Variants in DPF3 observed in about 807,000 individuals in gnomAD.
DPF3 encodes the protein zinc finger protein DPF3.
In DPF3, 18 loss-of-function variants were observed where a neutral mutation model predicts 56.8. The observed-to-expected ratio is 0.32, with a 90% CI of 0.22 to 0.47. The LOEUF (loss-of-function observed/expected upper bound fraction) is 0.47, where lower values mean the gene tolerates loss of function less well. DPF3 is among the 20% of genes least tolerant of loss of function. DPF3 has a pLI of 1.00. For missense variants in DPF3, 403 were observed against 488.8 expected (o/e 0.82, Z 1.65); for synonymous variants, 188 against 180.2 (o/e 1.04, Z -0.35).
At chr14:72,753,498 T>C in intron 2 of DPF3, 127 bp from the exon 3 acceptor site, 1 of 741,468 alleles carries the variant, frequency 1.3e-6, no homozygotes, top group Non-Finnish European at 2.1e-6. Context: ...CTTGTCAACA[T>C]CACAAAGCTG....
At chr14:72,722,829 G>C (rs530744975) in intron 5 of DPF3, among the ~76,000 whole-genome samples, 3 of 152,144 alleles carry the variant, frequency 2.0e-5, no homozygotes, top group Non-Finnish European at 4.4e-5. Flanking sequence ...GGAAGTGCCT[G>C]ACCAGTCTCT....
chr14:72,758,059 G>A (rs1243079897), intron 2 of DPF3, among the ~76,000 whole-genome samples: 6 of 151,990 alleles, frequency 3.9e-5, no homozygotes, highest in African/African-American at 1.5e-4. Flanking sequence ...AAAAGAAACA[G>A]GGTAAAAGTG....
chr14:72,863,352 T>C (rs1599505625), intron 1 of DPF3, among the ~76,000 whole-genome samples: 1 of 151,582 alleles, frequency 6.6e-6, no homozygotes, highest in Admixed American at 6.6e-5. Context: ...GAGTTGCAGG[T>C]GCCACCGACC....
At chr14:72,821,199 G>A (rs1034526517) in intron 1 of DPF3, among the ~76,000 whole-genome samples, 3 of 151,844 alleles carry the variant, frequency 2.0e-5, no homozygotes, top group Non-Finnish European at 4.4e-5. Context: ...TGAGGTGGGA[G>A]GCAGAGCCTG....
chr14:72,786,289 T>A (rs1892206108), intron 1 of DPF3, among the ~76,000 whole-genome samples: 1 of 151,376 alleles, frequency 6.6e-6, no homozygotes, highest in Non-Finnish European at 1.5e-5. Flanking sequence ...AGAAAATCAA[T>A]AACCACAGAG....
intron 1 of DPF3, among the ~76,000 whole-genome samples, chr14:72,790,930 G>C (rs1014696157): frequency 1.3e-5 from 2 of 152,086 alleles, no homozygotes; most frequent in African/African-American, 2.4e-5. Context: ...TGTCCTGTAT[G>C]GTCAGCCATT....
Position 72,855,053 on chromosome 14 carries a change from A to G in DPF3, c.32+39004T>C, listed in dbSNP as rs541990170. Among the ~76,000 whole-genome samples, 354 of 152,312 alleles carry G rather than the reference A, an allele frequency of 2.3e-3. 3 individuals carry two copies. Among genetic ancestry groups the G allele is most frequent in the African/African-American group, 8.1e-3 (336 of 41,568 alleles). The stretch of plus-strand genomic sequence containing the variant: ...GAGCCCAGACTACATAGGACTTGAA[A>G]GAAAGAATGAGACTTTGATATGGAA... On this transcript the variant is annotated intron_variant, in intron 1 of 10. Coordinates refer to ENST00000556509, the MANE Select transcript of DPF3 (RefSeq NM_001280542.3).
At chr14:72,691,693 C>T (rs942693961) in intron 7 of DPF3, among the ~76,000 whole-genome samples, 2 of 151,646 alleles carry the variant, frequency 1.3e-5, no homozygotes, top group Non-Finnish European at 2.9e-5. Context: ...CGCCACTGTA[C>T]TCCAGCCTGG....
At chr14:72,789,478 T>C (rs975418019) in intron 1 of DPF3, among the ~76,000 whole-genome samples, 1 of 152,186 alleles carries the variant, frequency 6.6e-6, no homozygotes. Flanking sequence ...GGACATTTTG[T>C]GTTGTATCTA....
In DPF3 at chr14:72,772,612, A is replaced by C. The variant is rs916338003; in HGVS notation, c.33-719T>G. ...TAGAAAGACCTTTCTGGTTTGCTAGACTGAGAATCTGATTAAGCACAGTAT... is the reference window on the plus strand; with the variant it reads ...TAGAAAGACCTTTCTGGTTTGCTAGCCTGAGAATCTGATTAAGCACAGTAT... On this transcript the variant is annotated intron_variant, in intron 1 of 10. Transcript: ENST00000556509. 2.6e-5 allele frequency among the ~76,000 whole-genome samples: 4 copies of C among 151,190 alleles called. No individual in the cohort carries two copies. The Admixed American group carries it at 2.7e-4, about 10-fold the overall frequency.
chr14:72,852,224 T>C (rs1206457922), intron 1 of DPF3, among the ~76,000 whole-genome samples: 2 of 152,140 alleles, frequency 1.3e-5, no homozygotes, highest in African/African-American at 4.8e-5. Context: ...CCCTCAAGGC[T>C]TCCCACTGCC....
chr14:72,676,942 A>G (rs1886937754), intron 7 of DPF3, among the ~76,000 whole-genome samples: 1 of 152,234 alleles, frequency 6.6e-6, no homozygotes, highest in Non-Finnish European at 1.5e-5. Flanking sequence ...TACAAGAAAT[A>G]AAAAATTAGA....
chr14:72,838,134 C>G (rs1164207588), intron 1 of DPF3, among the ~76,000 whole-genome samples: 6 of 152,212 alleles, frequency 3.9e-5, no homozygotes, highest in African/African-American at 1.4e-4. Flanking sequence ...AGCCAGCTAA[C>G]CCCTCCAGTC....
chr14:72,784,957 C>CA (rs796423196), intron 1 of DPF3, among the ~76,000 whole-genome samples: 315 of 130,674 alleles, frequency 2.4e-3, no homozygotes, highest in African/African-American at 6.0e-3. Context: ...AACACCGCCT[C>CA]AAAAAAAAAA....
At chr14:72,672,046 C>T (rs979812589) in intron 8 of DPF3, among the ~76,000 whole-genome samples, 74 of 118,330 alleles carry the variant, frequency 6.3e-4, no homozygotes, top group African/African-American at 2.5e-3. Context: ...CACACACACA[C>T]ACACACACAC....
chr14:72,747,465 C>T (rs910528773), intron 3 of DPF3, among the ~76,000 whole-genome samples: 1 of 151,982 alleles, frequency 6.6e-6, no homozygotes, highest in Non-Finnish European at 1.5e-5. Context: ...CCCTCACTTA[C>T]CCTATGAGGA....
chr14:72,707,992 G>A (rs1366458480), intron 6 of DPF3, among the ~76,000 whole-genome samples: 1 of 151,206 alleles, frequency 6.6e-6, no homozygotes, highest in Non-Finnish European at 1.5e-5. Context: ...CCTCTACAAT[G>A]GTTAATATCT....
intron 1 of DPF3, among the ~76,000 whole-genome samples, chr14:72,856,022 C>G (rs889909291): frequency 6.6e-6 from 1 of 152,218 alleles, no homozygotes; most frequent in Non-Finnish European, 1.5e-5. Flanking sequence ...AAGAAAGAAA[C>G]AAGTGTTGAA....
At chr14:72,820,868 A>C (rs924063399) in intron 1 of DPF3, among the ~76,000 whole-genome samples, 2 of 152,030 alleles carry the variant, frequency 1.3e-5, no homozygotes, top group Non-Finnish European at 2.9e-5. Context: ...ACAGTGGCTC[A>C]CTCCTGTAAT....
Sources: gnomAD v4.1 joint callset for allele counts (sites outside exome capture counted in the v4.1 genomes callset) on GRCh38, gnomAD v4.1.1 for gene constraint, MANE v1.5 for transcripts, NCBI Gene and HGNC (gene_info 2026-07-23, HGNC 2026-07-21) for gene names.